DAZL: variants seen among roughly 807,000 people sequenced by gnomAD.
The protein encoded by DAZL is deleted in azoospermia like.
A neutral mutation model predicts 45.0 loss-of-function variants in DAZL; 4 were observed. The ratio of observed to expected loss-of-function variants is 0.09; its 90% CI spans 0.04 to 0.20. DAZL has a LOEUF of 0.20. DAZL is among the 10% of genes least tolerant of loss of function. The pLI is 1.00. For synonymous variants in DAZL, 122 were observed against 112.4 expected (o/e 1.09, Z -0.54); for missense variants, 326 against 351.3 (o/e 0.93, Z 0.58).
At position 16,591,843 on chromosome 3, in the gene DAZL, C is replaced by T. The variant is rs533402005; in HGVS notation, c.834+207G>A. 1.6e-4 allele frequency among the ~76,000 whole-genome samples: 25 copies of T among 152,314 alleles called. No homozygotes were observed. In the South Asian group the frequency reaches 4.8e-3, roughly 29 times the overall value. The stretch of plus-strand genomic sequence containing the variant: ...TACAAATTTCTGCTGAAGGATTCTT[C>T]CCTAAAGATAACTACATTATGTCAA... On this transcript the variant is annotated intron_variant, in intron 10 of 10. Coordinates refer to ENST00000399444, the MANE Select transcript of DAZL (RefSeq NM_001351.4).
chr3:16,604,559 C>A, intron 1 of DAZL: 2 of 1,438,624 alleles, frequency 1.4e-6, no homozygotes, highest in Admixed American at 5.6e-5. Context: ...TCCGGCCCAG[C>A]CCCCTCAGCT....
intron 1 of DAZL, chr3:16,604,434 AC>A: frequency 6.5e-7 from 1 of 1,531,472 alleles, no homozygotes; most frequent in Non-Finnish European, 8.7e-7. Flanking sequence ...AACTGCTGAA[AC>A]CAACCTCGTG....
At chr3:16,589,551 A>G (rs190036238) in intron 10 of DAZL, among the ~76,000 whole-genome samples, 30 of 152,342 alleles carry the variant, frequency 2.0e-4, no homozygotes, top group African/African-American at 4.8e-5. Context: ...TACAGAATCA[A>G]GACAGTGAAG....
chr3:16,597,985 A>G (rs1694625995), intron 3 of DAZL, 102 bp downstream of exon 3: 1 of 1,224,082 alleles, frequency 8.2e-7, no homozygotes, highest in Non-Finnish European at 1.2e-6. Context: ...AGAAATTAAC[A>G]CAGCAACAAA....
intron 7 of DAZL, 131 bp downstream of exon 7, chr3:16,595,183 C>T: frequency 7.4e-6 from 4 of 537,550 alleles, no homozygotes; most frequent in Non-Finnish European, 9.9e-6. Flanking sequence ...TAATTCTAGA[C>T]TAATTTTTTT....
chr3:16,602,400 A>T (rs1432988879), intron 1 of DAZL, among the ~76,000 whole-genome samples: 1 of 152,230 alleles, frequency 6.6e-6, no homozygotes. Flanking sequence ...AAAGAAATAG[A>T]TAACTTGGGT....
intron 1 of DAZL, chr3:16,604,473 T>C: frequency 6.5e-7 from 1 of 1,530,062 alleles, no homozygotes; most frequent in Non-Finnish European, 8.7e-7. Context: ...GGCGAGCTTT[T>C]CTGTCGCCGC....
chr3:16,598,143 T>C lies in DAZL; in HGVS notation c.186A>G (p.Arg62=), dbSNP rs1299060797. 6.2e-7 allele frequency: 1 copy of C among 1,601,008 alleles called. No individual in the cohort carries two copies. Among genetic ancestry groups the C allele is most frequent in the Admixed American group, 1.7e-5 (1 of 59,656 alleles). The part of the protein sequence containing the change: ...DETEIRSFFA[R]YGSVKEVKII... Reference sequence around the variant, plus strand: ...TCTTCACTTCTTTCACTGAACCATATCTAGCAAAGAAGCTTCTAATCTCAG... The same window carrying C: ...TCTTCACTTCTTTCACTGAACCATACCTAGCAAAGAAGCTTCTAATCTCAG... Residue 62 remains arginine (R), a synonymous_variant, in exon 3 of 11, where the codon AGA becomes AGG. Transcript: ENST00000399444.
chr3:16,598,268 C>G, intron 2 of DAZL, 90 bp from the exon 3 acceptor site: 1 of 1,424,710 alleles, frequency 7.0e-7, no homozygotes, highest in Non-Finnish European at 9.8e-7. Flanking sequence ...GTGACAATTT[C>G]TCCCCCATTT....
chr3:16,591,937 A>G, intron 10 of DAZL, 113 bp downstream of exon 10: 1 of 1,261,352 alleles, frequency 7.9e-7, no homozygotes, highest in Non-Finnish European at 1.1e-6. Flanking sequence ...GTCAAATGCC[A>G]ACAGTTAATT....
At chr3:16,604,354 A>G in intron 1 of DAZL, 9 of 1,239,652 alleles carry the variant, frequency 7.3e-6, no homozygotes, top group Non-Finnish European at 1.0e-5. Flanking sequence ...ACATTTTGTC[A>G]AAGGATCCTG....
intron 2 of DAZL, 58 bp downstream of exon 2, chr3:16,598,394 C>T: frequency 6.3e-7 from 1 of 1,592,164 alleles, no homozygotes; most frequent in Admixed American, 1.7e-5. Context: ...TGTAACAGGG[C>T]CCAAATCCCA....
At chr3:16,602,213 G>A (rs1357488170) in intron 1 of DAZL, among the ~76,000 whole-genome samples, 1 of 152,090 alleles carries the variant, frequency 6.6e-6, no homozygotes, top group Admixed American at 6.5e-5. Context: ...TGAGACCTGA[G>A]AAATGGGTTA....
At chr3:16,597,844 G>C (rs1482172923) in intron 3 of DAZL, among the ~76,000 whole-genome samples, 1 of 152,104 alleles carries the variant, frequency 6.6e-6, no homozygotes, top group Non-Finnish European at 1.5e-5. Context: ...ACTGTGCAAT[G>C]TATGAAGAAA....
intron 9 of DAZL, among the ~76,000 whole-genome samples, chr3:16,593,305 T>C (rs1694548991): frequency 1.3e-5 from 2 of 152,208 alleles, no homozygotes; most frequent in Admixed American, 1.3e-4. Flanking sequence ...CTATCTGAAA[T>C]TTCACCAACC....
intron 1 of DAZL, among the ~76,000 whole-genome samples, chr3:16,602,985 G>A (rs920936420): frequency 2.6e-5 from 4 of 152,120 alleles, no homozygotes; most frequent in Non-Finnish European, 5.9e-5. Context: ...AAAAGCTAAT[G>A]ATCGATCAAC....
intron 1 of DAZL, chr3:16,604,579 T>G (rs977226967): frequency 5.6e-6 from 8 of 1,419,606 alleles, no homozygotes; most frequent in South Asian, 1.6e-5. Context: ...TACAGGGCCA[T>G]GCCTTCAGGA....
rs1694450542 is a variant in DAZL, at chr3:16,587,203, T to G, written c.*1457A>C. 1 of 152,132 alleles carries G rather than the reference T, an allele frequency of 6.6e-6. No individual in the cohort carries two copies. Among genetic ancestry groups the G allele is most frequent in the African/African-American group, 2.4e-5 (1 of 41,434 alleles). The allele number at this position is 152,132 out of a possible 1,614,324, so 9.4% of individuals were successfully genotyped here. A position where few individuals can be genotyped will look rare whatever the true frequency, so the allele number is the denominator to read the frequency against. ...AAGACTCTCTCCTTCAGATTCAGAATGAAAATTTTAAGGAATTATAGACCC... is the reference window on the plus strand; with the variant it reads ...AAGACTCTCTCCTTCAGATTCAGAAGGAAAATTTTAAGGAATTATAGACCC... On this transcript the variant is annotated 3_prime_UTR_variant, in exon 11 of 11. Transcript: ENST00000399444.
rs945948781 is a variant in DAZL, at chr3:16,588,276, T to C, written c.*384A>G. 4 of 286,688 alleles carry C rather than the reference T, an allele frequency of 1.4e-5. No individual in the cohort carries two copies. Among genetic ancestry groups the C allele is most frequent in the Non-Finnish European group, 2.0e-5 (3 of 148,466 alleles). The allele number at this position is 286,688 out of a possible 1,614,324, so 17.8% of individuals were successfully genotyped here. On this transcript the variant is annotated 3_prime_UTR_variant, in exon 11 of 11. Transcript: ENST00000399444. The stretch of plus-strand genomic sequence containing the variant: ...TAAATACTGTACTGTTCACAGGTAC[T>C]TGTTGGAGAAGTGAAATGTTTGTAT...
Sources: allele counts gnomAD v4.1 joint callset (sites outside exome capture counted in the v4.1 genomes callset), GRCh38; gene constraint gnomAD v4.1.1; transcripts MANE v1.5; gene names NCBI Gene and HGNC (gene_info 2026-07-23, HGNC 2026-07-21).